The following MMS19 variants were observed in gnomAD, a reference collection of about 807,000 sequenced individuals.
MMS19 encodes the protein MMS19 nucleotide excision repair protein homolog.
In MMS19, 77 loss-of-function variants were observed where a neutral mutation model predicts 129.8. The ratio of observed to expected loss-of-function variants is 0.59; its 90% CI spans 0.49 to 0.72. MMS19 has a LOEUF of 0.72. Ranked by LOEUF, MMS19 falls within the 30% of genes least tolerant of loss-of-function variation. The pLI, the probability that MMS19 is intolerant of heterozygous loss-of-function variation, is 0.00. For missense variants in MMS19, 1,168 were observed against 1,266.3 expected, an observed-to-expected ratio of 0.92 and a Z score of 1.18; for synonymous variants, 491 against 502.8, an observed-to-expected ratio of 0.98 and a Z score of 0.31.
At chr10:97,492,203 G>A (rs1386394447) in intron 1 of MMS19, among the ~76,000 whole-genome samples, 1 of 150,964 alleles carries the variant, frequency 6.6e-6, no homozygotes, top group East Asian at 1.9e-4. Context: ...GGGCGCGGTG[G>A]TTCACGCCTG....
At chr10:97,482,364 T>C (rs755949630) in intron 2 of MMS19, among the ~76,000 whole-genome samples, 3 of 152,106 alleles carry the variant, frequency 2.0e-5, no homozygotes, top group Non-Finnish European at 2.9e-5. Context: ...AGAAAAGAAA[T>C]GCAGAACTGA....
intron 1 of MMS19, among the ~76,000 whole-genome samples, chr10:97,486,087 T>C (rs1027417120): frequency 2.0e-5 from 3 of 152,222 alleles, no homozygotes; most frequent in African/African-American, 7.2e-5. Flanking sequence ...TGTCAACAGA[T>C]AAATCAATAA....
intron 1 of MMS19, among the ~76,000 whole-genome samples, chr10:97,497,568 G>C (rs182735483): frequency 2.6e-4 from 39 of 151,668 alleles, no homozygotes; most frequent in Admixed American, 1.8e-3. Context: ...CTCCACGGAA[G>C]CCTGGAAATC....
chr10:97,488,572 C>A (rs1348709144), intron 1 of MMS19, among the ~76,000 whole-genome samples: 1 of 152,208 alleles, frequency 6.6e-6, no homozygotes, highest in Non-Finnish European at 1.5e-5. Context: ...TATGGACACT[C>A]TCCTGTATAC....
rs548660294 is a variant in MMS19 at position 97,497,160 on chromosome 10, G to T, written c.112+1113C>A. On this transcript the variant is annotated intron_variant, in intron 1 of 30. Transcript: ENST00000438925. Reference sequence around the variant, plus strand: ...CGCTGCACACACCTCTTACAGAATGGTTGCCTCTCCCAGCATACTATAAGT... The same window carrying T: ...CGCTGCACACACCTCTTACAGAATGTTTGCCTCTCCCAGCATACTATAAGT... Among the ~76,000 whole-genome samples, 32 of 152,202 alleles carry T rather than the reference G, an allele frequency of 2.1e-4. 1 individual carries two copies. Among genetic ancestry groups the T allele is most frequent in the African/African-American group, 7.7e-4 (32 of 41,512 alleles).
chr10:97,484,798 T>C (rs1431920719), intron 1 of MMS19, among the ~76,000 whole-genome samples: 2 of 152,192 alleles, frequency 1.3e-5, no homozygotes, highest in Middle Eastern at 3.4e-3. Context: ...GTGCCTGTGG[T>C]CCCAGCTACT....
chr10:97,482,767 C>CACATAT (rs1342867088), intron 2 of MMS19, among the ~76,000 whole-genome samples: 1 of 136,392 alleles, frequency 7.3e-6, no homozygotes, highest in Non-Finnish European at 1.6e-5. Context: ...CACACACACA[C>CACATAT]ATATATTTTT....
chr10:97,488,955 T>A (rs1393100525), intron 1 of MMS19, among the ~76,000 whole-genome samples: 1 of 152,220 alleles, frequency 6.6e-6, no homozygotes, highest in Non-Finnish European at 1.5e-5. Context: ...TATTTTTTAA[T>A]CTTTTTTATT....
intron 1 of MMS19, among the ~76,000 whole-genome samples, chr10:97,485,514 T>A (rs960617101): frequency 6.6e-6 from 1 of 152,198 alleles, no homozygotes; most frequent in Admixed American, 6.5e-5. Flanking sequence ...GGTTTTGCCA[T>A]GTTGGCCAGG....
At chr10:97,497,723 A>T (rs1020415589) in intron 1 of MMS19, among the ~76,000 whole-genome samples, 1 of 152,216 alleles carries the variant, frequency 6.6e-6, no homozygotes, top group Non-Finnish European at 1.5e-5. Context: ...TTTAGCAAGA[A>T]ACGGAGAGAA....
In MMS19 at chr10:97,462,651, T is replaced by C. The variant is rs374377478; in HGVS notation, c.1944A>G (p.Leu648=). 3.7e-6 allele frequency: 6 copies of C among 1,613,712 alleles called. No homozygotes were observed. Among genetic ancestry groups the C allele is most frequent in the African/African-American group, 2.7e-5 (2 of 74,872 alleles). Residue 648 remains leucine, a synonymous_variant, in exon 20 of 31, where the codon CTA becomes CTG. Transcript: ENST00000438925. ...TGGCAGCCAACACCTCATCCTCCAA[T>C]AGTACTTTTCTCAGAACTGAGGGCT... The part of the protein sequence containing the change: ...EKEPSVLRKV[L]LEDEVLAAMV...
chr10:97,496,691 A>C (rs780318279), intron 1 of MMS19, among the ~76,000 whole-genome samples: 7 of 152,150 alleles, frequency 4.6e-5, no homozygotes, highest in Non-Finnish European at 8.8e-5. Flanking sequence ...TGATATAGTA[A>C]TGTTCTATAT....
At chr10:97,469,154 G>C in intron 11 of MMS19, 50 bp from the exon 12 acceptor site, 1 of 1,534,924 alleles carries the variant, frequency 6.5e-7, no homozygotes, top group Admixed American at 2.0e-5. Flanking sequence ...CACCAGATGA[G>C]ACCCCACCAA....
At chr10:97,495,852 G>C (rs29001259) in intron 1 of MMS19, among the ~76,000 whole-genome samples, 35,548 of 152,190 alleles carry the variant, frequency 0.23, 4,416 homozygotes, top group Non-Finnish European at 0.28. Context: ...CGCGATCTCC[G>C]CTCACGGCAG....
At chr10:97,483,929 T>C (rs949027465) in intron 2 of MMS19, among the ~76,000 whole-genome samples, 174 bp downstream of exon 2, 2 of 152,190 alleles carry the variant, frequency 1.3e-5, no homozygotes, top group Admixed American at 1.3e-4. Context: ...GCATGAAACT[T>C]TTTTCAGGAG....
chr10:97,460,659 A>G, intron 25 of MMS19, 36 bp downstream of exon 25: 1 of 1,541,418 alleles, frequency 6.5e-7, no homozygotes, highest in Non-Finnish European at 8.8e-7. Flanking sequence ...AAGTTTGTTT[A>G]GGTCCTGGGT....
Position 97,458,461 on chromosome 10 carries a change from C to CCTAGG in MMS19, c.*230_*231insCCTAG. ...CATATAAATGCAAGAGACCCAGGAC[C>CCTAGG]CTAGATCTTTCTTCAAACGCAAGTG... On this transcript the variant is annotated 3_prime_UTR_variant, in exon 31 of 31. Coordinates refer to ENST00000438925, the MANE Select transcript of MMS19 (RefSeq NM_022362.5). 1.8e-6 allele frequency: 1 copy of CCTAGG among 556,544 alleles called. No individual in the cohort carries two copies. The highest frequency in any genetic ancestry group is 2.9e-5 in the East Asian group (1 of 34,606). 34.5% of individuals were successfully genotyped at this position (556,544 alleles called of 1,614,324 possible).
intron 28 of MMS19, 35 bp downstream of exon 28, chr10:97,459,327 T>C (rs2030969707): frequency 1.9e-6 from 3 of 1,611,512 alleles, no homozygotes; most frequent in Non-Finnish European, 2.5e-6. Flanking sequence ...CAGGGAGAGA[T>C]GCTGGTGCCT....
intron 16 of MMS19, 72 bp downstream of exon 16, chr10:97,466,432 C>A: frequency 1.6e-6 from 2 of 1,241,242 alleles, no homozygotes; most frequent in South Asian, 1.2e-5. Flanking sequence ...AGCCCTGGTC[C>A]TAGCTTGATC....
Sources: gnomAD v4.1 joint callset for allele counts (sites outside exome capture counted in the v4.1 genomes callset) on GRCh38, gnomAD v4.1.1 for gene constraint, MANE v1.5 for transcripts, NCBI Gene and HGNC (gene_info 2026-07-23, HGNC 2026-07-21) for gene names.